The following RIMS2 variants were observed in gnomAD, a reference collection of about 807,000 sequenced individuals.
RIMS2 encodes regulating synaptic membrane exocytosis protein 2.
RIMS2 carries 59 observed loss-of-function variants against 174.4 expected under a neutral mutation model. The ratio of observed to expected loss-of-function variants is 0.34; its 90% CI spans 0.27 to 0.42. RIMS2 has a LOEUF of 0.42. RIMS2 is among the 10% of genes least tolerant of loss of function. RIMS2 has a pLI of 1.00. For missense variants in RIMS2, 1,620 were observed against 1,666.3 expected, an observed-to-expected ratio of 0.97 and a Z score of 0.48; for synonymous variants, 606 against 572.5, an observed-to-expected ratio of 1.06 and a Z score of -0.84.
chr8:103,660,915 T>G (rs1295919834), intron 1 of RIMS2, among the ~76,000 whole-genome samples: 2 of 152,124 alleles, frequency 1.3e-5, no homozygotes, highest in African/African-American at 2.4e-5. Context: ...ATATAAAAAA[T>G]GAAAAGTGCA....
intron 3 of RIMS2, among the ~76,000 whole-genome samples, chr8:103,833,611 C>A (rs1269752064): frequency 1.3e-5 from 2 of 151,422 alleles, no homozygotes; most frequent in African/African-American, 4.9e-5. Flanking sequence ...GATTTTATTT[C>A]TTTCAGAATC....
At chr8:103,959,112 G>A (rs2088829797) in intron 14 of RIMS2, among the ~76,000 whole-genome samples, 1 of 152,124 alleles carries the variant, frequency 6.6e-6, no homozygotes, top group South Asian at 2.1e-4. Flanking sequence ...GGTGTGCTTA[G>A]CTCAGGTCTG....
At chr8:103,541,629 AAAGT>A (rs1842636156) in intron 1 of RIMS2, among the ~76,000 whole-genome samples, 1 of 152,254 alleles carries the variant, frequency 6.6e-6, no homozygotes, top group South Asian at 2.1e-4. Context: ...CTCACTGGTA[AAAGT>A]AAGTACACAG....
rs145930054 is a variant in RIMS2, at chr8:104,010,023, T to TGGAC, written c.3045-3407_3045-3404dup. ...ATGGATGGATGGATGGACGGACGGA[T>TGGAC]GGACGGACGGACGGATGACAGGCAA... On this transcript the variant is annotated intron_variant, in intron 17 of 23. Coordinates refer to ENST00000504942, the Ensembl canonical transcript of RIMS2. 7.9e-5 allele frequency among the ~76,000 whole-genome samples: 12 copies of TGGAC among 151,450 alleles called. No homozygotes were observed. The South Asian group carries it at 2.1e-3, about 26-fold the overall frequency.
intron 1 of RIMS2, among the ~76,000 whole-genome samples, chr8:103,596,982 G>T (rs1010863273): frequency 3.3e-5 from 5 of 152,070 alleles, no homozygotes; most frequent in Admixed American, 1.3e-4. Context: ...AAACAGCGCT[G>T]TTATTTCCAT....
chr8:103,814,101 C>G (rs2098704575), intron 3 of RIMS2, among the ~76,000 whole-genome samples: 1 of 152,000 alleles, frequency 6.6e-6, no homozygotes, highest in South Asian at 2.1e-4. Context: ...TTTGCAGGGA[C>G]ATGGATGGAG....
intron 16 of RIMS2, among the ~76,000 whole-genome samples, chr8:103,988,763 G>A (rs534330335): frequency 1.3e-5 from 2 of 152,194 alleles, no homozygotes; most frequent in Admixed American, 1.3e-4. Context: ...CCCAGCCTAG[G>A]TAGCTATTTT....
At chr8:103,586,468 G>A (rs2093926577) in intron 1 of RIMS2, among the ~76,000 whole-genome samples, 1 of 151,936 alleles carries the variant, frequency 6.6e-6, no homozygotes, top group Non-Finnish European at 1.5e-5. Context: ...ACAAACACAT[G>A]GAAATTAAAC....
chr8:103,743,551 A>T (rs1321213818), intron 2 of RIMS2, among the ~76,000 whole-genome samples: 8 of 79,650 alleles, frequency 1.0e-4, no homozygotes, highest in Admixed American at 1.5e-4. Context: ...ATATCGTATA[A>T]TTAGCATCTA....
intron 19 of RIMS2, among the ~76,000 whole-genome samples, chr8:104,084,364 G>T (rs1174989703): frequency 1.4e-5 from 2 of 147,894 alleles, no homozygotes; most frequent in Non-Finnish European, 3.0e-5. Context: ...CTTGAACCTG[G>T]CAGGCAGAGG....
In RIMS2 at chr8:103,579,997, C is replaced by T. The variant is rs146627103; in HGVS notation, c.176+78935C>T. Among the ~76,000 whole-genome samples the T allele has an allele frequency of 5.1e-3, 769 of 152,176 alleles. 9 individuals carry two copies. The highest frequency in any genetic ancestry group is 0.015 in the African/African-American group (640 of 41,522). ...TCATGAGAACAGCAAGGGGGAAATC[C>T]GCCCCCGTGATCCAATCACCTCCCA... is the stretch of plus-strand genomic sequence containing the variant. On this transcript the variant is annotated intron_variant, in intron 1 of 23. Transcript: ENST00000504942.
At chr8:104,238,398 T>C (rs2099269946) in intron 19 of RIMS2, among the ~76,000 whole-genome samples, 2 of 151,600 alleles carry the variant, frequency 1.3e-5, no homozygotes, top group East Asian at 1.9e-4. Flanking sequence ...CAAAGCACCA[T>C]AGCACATGTA....
At chr8:103,523,397 T>C (rs1375340063) in intron 1 of RIMS2, among the ~76,000 whole-genome samples, 1 of 152,106 alleles carries the variant, frequency 6.6e-6, no homozygotes, top group Non-Finnish European at 1.5e-5. Context: ...TGTGTGTGTT[T>C]GTGTGTGTCT....
At chr8:104,176,894 C>T (rs2098902328) in intron 19 of RIMS2, among the ~76,000 whole-genome samples, 1 of 151,856 alleles carries the variant, frequency 6.6e-6, no homozygotes, top group South Asian at 2.1e-4. Flanking sequence ...CATTAGCAGC[C>T]TTTCAAAATA....
At position 104,013,632 on chromosome 8, in the gene RIMS2, A is replaced by G. The variant is rs1449275258; in HGVS notation, c.3224+11A>G. 6.2e-7 allele frequency: 1 copy of G among 1,610,206 alleles called. No homozygotes were observed. Among genetic ancestry groups the G allele is most frequent in the Admixed American group, 1.7e-5 (1 of 59,900 alleles). ...ACCTGCCTTATCGAGGTGAAAGATA[A>G]ATCAATCAGACTAATTTCCCCTTTG... On this transcript the variant is annotated intron_variant, in intron 18 of 23. Coordinates refer to ENST00000504942, the Ensembl canonical transcript of RIMS2.
At chr8:103,622,580 C>G (rs886511466) in intron 1 of RIMS2, among the ~76,000 whole-genome samples, 1 of 152,036 alleles carries the variant, frequency 6.6e-6, no homozygotes, top group Admixed American at 6.6e-5. Flanking sequence ...TGATTATAGC[C>G]AGGTCATAGA....
At chr8:103,633,026 C>T (rs2095978590) in intron 1 of RIMS2, among the ~76,000 whole-genome samples, 1 of 144,450 alleles carries the variant, frequency 6.9e-6, no homozygotes, top group African/African-American at 2.6e-5. Context: ...AGCCTCCGCG[C>T]CAGGCCTTTT....
At chr8:103,825,881 C>T (rs775249103) in intron 3 of RIMS2, among the ~76,000 whole-genome samples, 5 of 151,996 alleles carry the variant, frequency 3.3e-5, no homozygotes, top group Non-Finnish European at 7.4e-5. Flanking sequence ...TTTTAAACTC[C>T]CACCAACAAT....
intron 1 of RIMS2, among the ~76,000 whole-genome samples, chr8:103,594,093 C>A (rs560110428): frequency 1.3e-5 from 2 of 151,550 alleles, no homozygotes; most frequent in Non-Finnish European, 3.0e-5. Flanking sequence ...AGCACTTTCA[C>A]GATTATTTTT....
Sources: gnomAD v4.1 joint callset for allele counts (sites outside exome capture counted in the v4.1 genomes callset) on GRCh38, gnomAD v4.1.1 for gene constraint, MANE v1.5 for transcripts, NCBI Gene and HGNC (gene_info 2026-07-23, HGNC 2026-07-21) for gene names.